HERC4: variants seen among roughly 807,000 people sequenced by gnomAD.
HERC4 encodes probable E3 ubiquitin-protein ligase HERC4.
Under a neutral mutation model 124.3 loss-of-function variants are expected in HERC4, and 28 were observed. The ratio of observed to expected loss-of-function variants is 0.23; its 90% CI spans 0.17 to 0.31. The LOEUF (loss-of-function observed/expected upper bound fraction) is 0.31, where lower values mean the gene tolerates loss of function less well. HERC4 is among the 10% of genes least tolerant of loss of function. The pLI, the probability that HERC4 is intolerant of heterozygous loss-of-function variation, is 1.00. For synonymous variants in HERC4, 407 were observed against 421.5 expected (o/e 0.97, Z 0.42); for missense variants, 713 against 1,229.3 (o/e 0.58, Z 6.28).
intron 3 of HERC4, among the ~76,000 whole-genome samples, chr10:68,060,590 G>A (rs2040956420): frequency 6.6e-6 from 1 of 152,046 alleles, no homozygotes; most frequent in Admixed American, 6.6e-5. Flanking sequence ...CCAATTATAT[G>A]GTTTATGTGT....
Position 67,937,806 on chromosome 10 carries a change from C to T in HERC4, c.2572-1571G>A, listed in dbSNP as rs188768923. Among the ~76,000 whole-genome samples the T allele has an allele frequency of 4.6e-3, 699 of 151,614 alleles. 7 individuals carry two copies. The highest frequency in any genetic ancestry group is 0.017 in the Admixed American group (256 of 15,206). On this transcript the variant is annotated intron_variant, in intron 21 of 24. Coordinates refer to ENST00000373700, the MANE Select transcript of HERC4 (RefSeq NM_015601.4). ...AGTGATTCTCCTGCCTCAGCCTCCC[C>T]GAGTAGCTGGTACTACAGGTACGTG...
intron 18 of HERC4, 21 bp from the exon 19 acceptor site, chr10:67,954,759 C>CA (rs1564954148): frequency 2.5e-6 from 4 of 1,608,390 alleles, no homozygotes; most frequent in Non-Finnish European, 2.5e-6. Flanking sequence ...ACAATGCAAA[C>CA]ACCAAATAGA....
intron 15 of HERC4, among the ~76,000 whole-genome samples, chr10:67,973,800 T>A (rs1286887498): frequency 6.6e-6 from 1 of 152,060 alleles, no homozygotes; most frequent in African/African-American, 2.4e-5. Flanking sequence ...ATGCCTGTAA[T>A]CCCAGAACTT....
chr10:67,947,097 A>T (rs2033424315), intron 19 of HERC4, among the ~76,000 whole-genome samples: 1 of 152,222 alleles, frequency 6.6e-6, no homozygotes, highest in Non-Finnish European at 1.5e-5. Flanking sequence ...GAAACATTGG[A>T]CTTAATCTGC....
intron 6 of HERC4, 86 bp from the exon 7 acceptor site, chr10:68,032,955 G>A: frequency 1.4e-6 from 1 of 716,924 alleles, no homozygotes; most frequent in East Asian, 2.5e-5. Context: ...GCCAAGCTCA[G>A]TAGATAGTTG....
At chr10:68,001,026 T>G (rs2132932343) in intron 9 of HERC4, among the ~76,000 whole-genome samples, 1 of 152,290 alleles carries the variant, frequency 6.6e-6, no homozygotes, top group African/African-American at 2.4e-5. Context: ...CTTGCCTGGC[T>G]CCAGGGAGAT....
intron 8 of HERC4, among the ~76,000 whole-genome samples, chr10:68,022,314 A>T (rs1444595366): frequency 2.6e-5 from 4 of 152,056 alleles, no homozygotes; most frequent in African/African-American, 9.7e-5. Context: ...AGCCTGACCA[A>T]CATGGAGAAA....
At chr10:67,967,278 T>C (rs2034944476) in intron 15 of HERC4, among the ~76,000 whole-genome samples, 2 of 152,330 alleles carry the variant, frequency 1.3e-5, no homozygotes, top group East Asian at 1.9e-4. Flanking sequence ...TTAAGTGCTA[T>C]GGGAGACACA....
At chr10:68,056,901 T>C (rs560676315) in intron 3 of HERC4, among the ~76,000 whole-genome samples, 2 of 152,292 alleles carry the variant, frequency 1.3e-5, no homozygotes, top group African/African-American at 2.4e-5. Flanking sequence ...TGGGTCAATG[T>C]TGGTGCTACG....
intron 3 of HERC4, among the ~76,000 whole-genome samples, chr10:68,065,490 C>A (rs2041255020): frequency 6.6e-6 from 1 of 152,010 alleles, no homozygotes; most frequent in African/African-American, 2.4e-5. Flanking sequence ...GAAATGAACA[C>A]AAAAGAGTAA....
chr10:68,054,598 C>A (rs2040465288), intron 3 of HERC4, among the ~76,000 whole-genome samples: 1 of 152,068 alleles, frequency 6.6e-6, no homozygotes, highest in Non-Finnish European at 1.5e-5. Context: ...CCCACCTCAG[C>A]CTCACAAAGT....
intron 3 of HERC4, chr10:68,067,727 T>C (rs910830032): frequency 6.6e-6 from 1 of 152,196 alleles, no homozygotes; most frequent in African/African-American, 2.4e-5. Flanking sequence ...GACTCAACAG[T>C]AGAAATTACC....
rs2040141245 is a variant in HERC4, at chr10:68,048,766, G to A, written c.227-4203C>T. 3.9e-5 allele frequency among the ~76,000 whole-genome samples: 6 copies of A among 152,248 alleles called. No homozygotes were observed. The South Asian group carries it at 1.2e-3, about 32-fold the overall frequency. On this transcript the variant is annotated intron_variant, in intron 3 of 24. Transcript: ENST00000373700. ...GGTGCATGGTAGGGGACAGGAAGTA[G>A]AAGGGAACTCTTTATTTTCTGCTCA...
intron 20 of HERC4, among the ~76,000 whole-genome samples, chr10:67,939,918 CTTATTTTATT>C (rs199641435): frequency 1.3e-5 from 2 of 151,638 alleles, no homozygotes; most frequent in Non-Finnish European, 2.9e-5. Flanking sequence ...AACATTTTTC[CTTATTTTATT>C]TTATTTTATT....
chr10:67,946,268 G>A (rs1306564931), intron 19 of HERC4, among the ~76,000 whole-genome samples: 2 of 148,698 alleles, frequency 1.3e-5, no homozygotes, highest in Non-Finnish European at 3.0e-5. Flanking sequence ...AAAGATGCAA[G>A]AGTAACTCCT....
rs1438183317 is a variant in HERC4 at position 67,983,771 on chromosome 10, AG to A, written c.1806+4891del. Among the ~76,000 whole-genome samples, 14 of 134,446 alleles carry A rather than the reference AG, an allele frequency of 1.0e-4. 1 individual carries two copies. The highest frequency in any genetic ancestry group is 3.2e-4 in the Admixed American group (4 of 12,324). The allele number at this position is 134,446 out of a possible 152,430, so 88.2% of individuals were successfully genotyped here. A position where few individuals can be genotyped will look rare whatever the true frequency, so the allele number is the denominator to read the frequency against. On this transcript the variant is annotated intron_variant, in intron 15 of 24. Transcript: ENST00000373700. ...CACTGCACTCCAGCCTGGGCAACAG[AG>A]GAAGACTCTGTCTCAAAAAAAAAAA...
intron 15 of HERC4, among the ~76,000 whole-genome samples, 177 bp from the exon 16 acceptor site, chr10:67,966,979 T>C (rs113121974): frequency 1.5e-4 from 23 of 152,184 alleles, no homozygotes; most frequent in Non-Finnish European, 2.6e-4. Flanking sequence ...CTCAGCCTCC[T>C]GAGTAGCTGG....
intron 3 of HERC4, among the ~76,000 whole-genome samples, chr10:68,065,277 A>T (rs1218730519): frequency 6.6e-6 from 1 of 152,198 alleles, no homozygotes; most frequent in African/African-American, 2.4e-5. Context: ...TAATACTTTT[A>T]TAATAGAAAA....
intron 15 of HERC4, among the ~76,000 whole-genome samples, chr10:67,984,787 T>A (rs2036164730): frequency 6.6e-6 from 1 of 152,158 alleles, no homozygotes; most frequent in African/African-American, 2.4e-5. Flanking sequence ...TTTCACCATG[T>A]TGGCCAGGCT....
Sources: gnomAD v4.1 joint callset for allele counts (sites outside exome capture counted in the v4.1 genomes callset) on GRCh38, gnomAD v4.1.1 for gene constraint, MANE v1.5 for transcripts, NCBI Gene and HGNC (gene_info 2026-07-23, HGNC 2026-07-21) for gene names.